The following CA10 variants were observed in gnomAD, a reference collection of about 807,000 sequenced individuals.
The protein encoded by CA10 is carbonic anhydrase 10 (inactive), also known as carbonic anhydrase-related protein 10.
CA10 carries 14 observed loss-of-function variants against 44.2 expected under a neutral mutation model. The ratio of observed to expected loss-of-function variants is 0.32; its 90% CI spans 0.21 to 0.50. The LOEUF (loss-of-function observed/expected upper bound fraction) is 0.50, where lower values mean the gene tolerates loss of function less well. Ranked by LOEUF, CA10 falls within the 20% of genes least tolerant of loss-of-function variation. The pLI, the probability that CA10 is intolerant of heterozygous loss-of-function variation, is 0.99. For missense variants in CA10, 350 were observed against 409.7 expected (o/e 0.85, Z 1.26); for synonymous variants, 159 against 141.6 (o/e 1.12, Z -0.87).
At chr17:52,052,021 C>T (rs1359978307) in intron 2 of CA10, among the ~76,000 whole-genome samples, 4 of 151,934 alleles carry the variant, frequency 2.6e-5, no homozygotes, top group African/African-American at 9.7e-5. Flanking sequence ...AGCAAACTAA[C>T]ACAGGATCAG....
intron 3 of CA10, among the ~76,000 whole-genome samples, chr17:51,926,272 C>T (rs188986573): frequency 6.6e-6 from 1 of 152,244 alleles, no homozygotes; most frequent in East Asian, 1.9e-4. Context: ...ATCTAAGCTG[C>T]TATGAATCTG....
intron 4 of CA10, among the ~76,000 whole-genome samples, chr17:51,682,343 T>C (rs939593462): frequency 2.6e-5 from 4 of 152,162 alleles, no homozygotes; most frequent in South Asian, 2.1e-4. Flanking sequence ...GCTGGCAAAA[T>C]GAAACTTCCC....
intron 3 of CA10, among the ~76,000 whole-genome samples, chr17:51,755,015 T>C (rs1905036329): frequency 6.6e-6 from 1 of 152,106 alleles, no homozygotes; most frequent in Non-Finnish European, 1.5e-5. Flanking sequence ...ATATGCATTT[T>C]ATCTATATAT....
intron 3 of CA10, among the ~76,000 whole-genome samples, chr17:51,912,199 T>A (rs1034148892): frequency 6.6e-6 from 1 of 152,158 alleles, no homozygotes; most frequent in Non-Finnish European, 1.5e-5. Context: ...TAGCCTCTAC[T>A]GACATAATTT....
At chr17:51,800,509 T>C (rs1303502222) in intron 3 of CA10, among the ~76,000 whole-genome samples, 3 of 152,208 alleles carry the variant, frequency 2.0e-5, no homozygotes, top group Non-Finnish European at 4.4e-5. Flanking sequence ...AAACCTTCTA[T>C]AAAAAAACAA....
intron 4 of CA10, among the ~76,000 whole-genome samples, chr17:51,705,323 C>T (rs564990301): frequency 1.3e-5 from 2 of 152,308 alleles, no homozygotes; most frequent in Admixed American, 6.5e-5. Flanking sequence ...TATATATACA[C>T]ATAGATCAAT....
chr17:51,821,753 T>G (rs984403448), intron 3 of CA10, among the ~76,000 whole-genome samples: 3 of 152,066 alleles, frequency 2.0e-5, no homozygotes, highest in African/African-American at 7.3e-5. Context: ...TACCTTCCAC[T>G]TATACCTGAA....
At chr17:51,861,550 T>C (rs1359144753) in intron 3 of CA10, among the ~76,000 whole-genome samples, 1 of 151,926 alleles carries the variant, frequency 6.6e-6, no homozygotes, top group Non-Finnish European at 1.5e-5. Context: ...TGTGTTTTTT[T>C]TTTTTTTAAT....
chr17:51,971,275 C>A (rs1984271432), intron 2 of CA10, among the ~76,000 whole-genome samples: 1 of 152,068 alleles, frequency 6.6e-6, no homozygotes, highest in Non-Finnish European at 1.5e-5. Context: ...TAAAGGGCAA[C>A]ATTATGCTTA....
At chr17:52,094,887 G>GA (rs1340252645) in intron 1 of CA10, among the ~76,000 whole-genome samples, 1 of 152,244 alleles carries the variant, frequency 6.6e-6, no homozygotes, top group African/African-American at 2.4e-5. Context: ...TAGCCACTTT[G>GA]AAAATGTGTT....
intron 2 of CA10, among the ~76,000 whole-genome samples, chr17:52,007,149 G>A (rs1567700483): frequency 6.6e-6 from 1 of 151,506 alleles, no homozygotes. Flanking sequence ...TAACAGTTTG[G>A]CTGGAAATTC....
chr17:52,146,068 T>C (rs1015399169), intron 1 of CA10, among the ~76,000 whole-genome samples: 11 of 152,214 alleles, frequency 7.2e-5, no homozygotes. Flanking sequence ...CATATTGAAG[T>C]AGCAGATACT....
intron 3 of CA10, chr17:51,748,336 C>G (rs1904779385): frequency 3.8e-6 from 1 of 262,206 alleles, no homozygotes; most frequent in South Asian, 1.4e-4. Flanking sequence ...TGCAACCAGA[C>G]ATTGCACAGA....
rs189268701 is a variant in CA10 at position 51,739,410 on chromosome 17, T to G, written c.465+8223A>C. Among the ~76,000 whole-genome samples the G allele has an allele frequency of 1.4e-3, 207 of 152,174 alleles. 2 individuals carry two copies. Among genetic ancestry groups the G allele is most frequent in the African/African-American group, 4.6e-3 (193 of 41,548 alleles). ...CTGATCAAATTCCAGTTAATGCCTG[T>G]CTTTAATATTGTCTTTTGTAATGTA... On this transcript the variant is annotated intron_variant, in intron 4 of 8. Transcript: ENST00000451037.
Position 52,054,935 on chromosome 17 carries a change from G to A in CA10, c.136+17384C>T, listed in dbSNP as rs555344102. On this transcript the variant is annotated intron_variant, in intron 2 of 8. Transcript: ENST00000451037. ...AAGTGACTTGAATATTCATTTAGTC[G>A]ATAAGATTTACTGAGCTCTTACTTT... is the stretch of plus-strand genomic sequence containing the variant. Among the ~76,000 whole-genome samples the A allele has an allele frequency of 1.8e-3, 268 of 152,112 alleles. 1 individual carries two copies. The highest frequency in any genetic ancestry group is 5.9e-3 in the African/African-American group (246 of 41,532).
At chr17:51,631,696 C>T (rs1278176775) in intron 8 of CA10, 90 bp from the exon 9 acceptor site, 5 of 1,116,502 alleles carry the variant, frequency 4.5e-6, no homozygotes, top group South Asian at 1.3e-5. Context: ...TAGAGAATTC[C>T]TCCAGAGGGG....
intron 3 of CA10, chr17:51,762,129 A>G (rs989418985): frequency 6.6e-6 from 1 of 152,230 alleles, no homozygotes; most frequent in African/African-American, 2.4e-5. Flanking sequence ...TATTTTTATT[A>G]TCACCATTTG....
At chr17:51,756,954 C>A (rs1470281041) in intron 3 of CA10, among the ~76,000 whole-genome samples, 2 of 152,172 alleles carry the variant, frequency 1.3e-5, no homozygotes, top group Non-Finnish European at 2.9e-5. Context: ...TCATACCTGC[C>A]TCTCCTAGTG....
chr17:52,117,983 A>G (rs1200467192), intron 1 of CA10, among the ~76,000 whole-genome samples: 2 of 152,230 alleles, frequency 1.3e-5, no homozygotes, highest in Admixed American at 1.3e-4. Context: ...AGGGTATTAT[A>G]TGGTTTTTCT....
Sources: allele counts gnomAD v4.1 joint callset (sites outside exome capture counted in the v4.1 genomes callset), GRCh38; gene constraint gnomAD v4.1.1; transcripts MANE v1.5; gene names NCBI Gene and HGNC (gene_info 2026-07-23, HGNC 2026-07-21).